The following RNASE10 variants were observed in gnomAD, a reference collection of about 807,000 sequenced individuals.
RNASE10 encodes the protein ribonuclease A family member 10 (inactive), also known as inactive ribonuclease-like protein 10.
In RNASE10, 2 loss-of-function variants were observed where a neutral mutation model predicts 1.1. That is an observed-to-expected ratio of 1.82 (90% CI 0.74 to 5.73). The LOEUF (loss-of-function observed/expected upper bound fraction) is 5.73, where lower values mean the gene tolerates loss of function less well. RNASE10 is among the 30% of genes most tolerant of loss of function. The pLI is 0.05. For synonymous variants in RNASE10, 97 were observed against 96.2 expected (o/e 1.01, Z -0.05); for missense variants, 276 against 263.4 (o/e 1.05, Z -0.33).
At chr14:20,508,360 A>G (rs974401832) in intron 1 of RNASE10, among the ~76,000 whole-genome samples, 1 of 152,186 alleles carries the variant, frequency 6.6e-6, no homozygotes, top group Non-Finnish European at 1.5e-5. Context: ...TCATAATTTA[A>G]TGTTGCATGC....
At chr14:20,507,026 C>A (rs1335501879) in intron 1 of RNASE10, among the ~76,000 whole-genome samples, 1 of 151,150 alleles carries the variant, frequency 6.6e-6, no homozygotes, top group African/African-American at 2.4e-5. Flanking sequence ...GCCGCCCTGT[C>A]CGGGAGGTGA....
At chr14:20,509,642 G>A (rs972182626) in intron 1 of RNASE10, among the ~76,000 whole-genome samples, 1 of 152,164 alleles carries the variant, frequency 6.6e-6, no homozygotes. Flanking sequence ...GTAACAAGAA[G>A]AGTAATAGAT....
At chr14:20,512,439 C>T (rs942475368), downstream of RNASE10, among the ~76,000 whole-genome samples, 3 of 152,178 alleles carry the variant, frequency 2.0e-5, no homozygotes, top group African/African-American at 7.2e-5. Flanking sequence ...AGATTTCCTT[C>T]CCCTAGAGTT....
chr14:20,506,781 G>A (rs1184072109), intron 1 of RNASE10, among the ~76,000 whole-genome samples: 2 of 115,222 alleles, frequency 1.7e-5, no homozygotes, highest in African/African-American at 3.5e-5. Context: ...TCAGCCCCCC[G>A]CCCGGCCAGC....
chr14:20,511,985 G>A (rs1882910335), downstream of RNASE10, among the ~76,000 whole-genome samples: 2 of 151,970 alleles, frequency 1.3e-5, no homozygotes, highest in Non-Finnish European at 2.9e-5. Flanking sequence ...GCAGATGTTC[G>A]TCCTATAGTC....
chr14:20,512,479 T>C (rs1371124513), downstream of RNASE10, among the ~76,000 whole-genome samples: 1 of 152,198 alleles, frequency 6.6e-6, no homozygotes, highest in Non-Finnish European at 1.5e-5. Flanking sequence ...TAGACTATTA[T>C]AGACCCAAGT....
chr14:20,512,118 G>A (rs1052622904), downstream of RNASE10, among the ~76,000 whole-genome samples: 2 of 152,210 alleles, frequency 1.3e-5, no homozygotes, highest in Non-Finnish European at 2.9e-5. Context: ...AAGCAGAATA[G>A]TGCTCATATG....
chr14:20,507,039 G>A (rs1262116273), intron 1 of RNASE10, among the ~76,000 whole-genome samples: 7 of 151,006 alleles, frequency 4.6e-5, no homozygotes, highest in Non-Finnish European at 7.4e-5. Context: ...GGAGGTGAGG[G>A]GCGCCTCTGC....
chr14:20,513,355 T>C (rs191027274), downstream of RNASE10, among the ~76,000 whole-genome samples: 147 of 152,266 alleles, frequency 9.7e-4, 1 homozygote, highest in African/African-American at 3.2e-3. Context: ...TGACAAGGCA[T>C]TGTGGGGACC....
intron 1 of RNASE10, among the ~76,000 whole-genome samples, chr14:20,507,262 T>C (rs1594440274): frequency 1.4e-5 from 2 of 139,866 alleles, no homozygotes; most frequent in East Asian, 4.0e-4. Context: ...CATTTTGTTC[T>C]GTACTAAGAA....
intron 1 of RNASE10, among the ~76,000 whole-genome samples, chr14:20,508,041 C>A (rs1031870776): frequency 2.0e-5 from 3 of 152,140 alleles, no homozygotes; most frequent in Non-Finnish European, 4.4e-5. Flanking sequence ...TGAGCCACTG[C>A]GCCCAGGCCC....
intron 1 of RNASE10, among the ~76,000 whole-genome samples, chr14:20,507,160 G>C: frequency 6.9e-6 from 1 of 145,954 alleles, no homozygotes; most frequent in African/African-American, 2.6e-5. Flanking sequence ...TGGCGGTTTT[G>C]TGGAATAGAA....
At chr14:20,513,151 C>T (rs1421468051), downstream of RNASE10, among the ~76,000 whole-genome samples, 1 of 152,178 alleles carries the variant, frequency 6.6e-6, no homozygotes, top group African/African-American at 2.4e-5. Flanking sequence ...GATGGGCATA[C>T]TCATCTCCTC....
chr14:20,504,804 T>C (rs150254753), upstream of RNASE10, among the ~76,000 whole-genome samples: 2 of 149,320 alleles, frequency 1.3e-5, no homozygotes, highest in African/African-American at 2.5e-5. Flanking sequence ...GTAATGCACG[T>C]CCACAAAACT....
At chr14:20,512,759 G>A (rs1882929012), downstream of RNASE10, among the ~76,000 whole-genome samples, 1 of 152,130 alleles carries the variant, frequency 6.6e-6, no homozygotes, top group African/African-American at 2.4e-5. Flanking sequence ...TCTGTGGGCT[G>A]GCCTGATGTT....
At chr14:20,512,343 A>G (rs562042128), downstream of RNASE10, among the ~76,000 whole-genome samples, 3 of 152,342 alleles carry the variant, frequency 2.0e-5, no homozygotes, top group Non-Finnish European at 2.9e-5. Context: ...CTAAATTCAA[A>G]TGAGAAATAG....
chr14:20,508,773 T>A (rs937815169), intron 1 of RNASE10, among the ~76,000 whole-genome samples: 1 of 152,128 alleles, frequency 6.6e-6, no homozygotes, highest in Non-Finnish European at 1.5e-5. Flanking sequence ...ATTTTATTAG[T>A]TGTTGTTAAT....
In RNASE10 at chr14:20,510,454, G is replaced by T. The variant is rs368826971; in HGVS notation, c.80-13G>T. The T allele has an allele frequency of 8.1e-6, 13 of 1,596,476 alleles. No individual in the cohort carries two copies. Among genetic ancestry groups the T allele is most frequent in the African/African-American group, 1.3e-5 (1 of 74,094 alleles). On this transcript the variant is annotated splice_polypyrimidine_tract_variant and intron_variant, in intron 1 of 1. Transcript: ENST00000430083. ...TCAAAGTCACGTTCTTCCATTTCCC[G>T]CTTCCTCTCCAGGCAAAATGAAGCT... is the stretch of plus-strand genomic sequence containing the variant.
upstream of RNASE10, among the ~76,000 whole-genome samples, chr14:20,504,993 A>G (rs929529397): frequency 6.6e-6 from 1 of 152,038 alleles, no homozygotes; most frequent in African/African-American, 2.4e-5. Context: ...AAGAATAATG[A>G]AAAAGCGTTA....
Sources: allele counts gnomAD v4.1 joint callset (sites outside exome capture counted in the v4.1 genomes callset), GRCh38; gene constraint gnomAD v4.1.1; transcripts MANE v1.5; gene names NCBI Gene and HGNC (gene_info 2026-07-23, HGNC 2026-07-21).